Variants in SH3GL2 observed in about 807,000 individuals in gnomAD.
SH3GL2 encodes the protein SH3 domain containing GRB2 like 2, endophilin A1, also known as endophilin-A1.
In SH3GL2, 24 loss-of-function variants were observed where a neutral mutation model predicts 46.0. The ratio of observed to expected loss-of-function variants is 0.52; its 90% CI spans 0.38 to 0.73. The LOEUF (loss-of-function observed/expected upper bound fraction) is 0.73, where lower values mean the gene tolerates loss of function less well. Among genes scored for constraint, SH3GL2 ranks in the 30% least tolerant of loss-of-function variants. SH3GL2 has a pLI of 0.00. For missense variants in SH3GL2, 413 were observed against 424.2 expected, an observed-to-expected ratio of 0.97 and a Z score of 0.23; for synonymous variants, 196 against 147.1, an observed-to-expected ratio of 1.33 and a Z score of -2.40.
intron 1 of SH3GL2, among the ~76,000 whole-genome samples, chr9:17,583,141 A>C (rs1257561575): frequency 1.3e-5 from 2 of 152,238 alleles, no homozygotes; most frequent in Non-Finnish European, 2.9e-5. Flanking sequence ...GATTAACCAC[A>C]GTATTCTATA....
At chr9:17,756,057 C>T (rs1467249983) in intron 2 of SH3GL2, among the ~76,000 whole-genome samples, 2 of 152,070 alleles carry the variant, frequency 1.3e-5, no homozygotes, top group Admixed American at 1.3e-4. Context: ...TCTGTGGTCT[C>T]TTACAACTCC....
chr9:17,761,621 C>G, intron 3 of SH3GL2, 112 bp downstream of exon 3: 1 of 799,254 alleles, frequency 1.3e-6, no homozygotes, highest in Non-Finnish European at 2.3e-6. Flanking sequence ...TTCCTCGGTC[C>G]ACTTTTCTGA....
chr9:17,675,954 A>G (rs2117999352), intron 1 of SH3GL2, among the ~76,000 whole-genome samples: 1 of 152,326 alleles, frequency 6.6e-6, no homozygotes, highest in African/African-American at 2.4e-5. Flanking sequence ...CAAAAAAATA[A>G]AAAAATAAAA....
At chr9:17,731,315 G>A (rs1822172419) in intron 1 of SH3GL2, among the ~76,000 whole-genome samples, 1 of 152,068 alleles carries the variant, frequency 6.6e-6, no homozygotes, top group Non-Finnish European at 1.5e-5. Flanking sequence ...GCCCTTGGGA[G>A]GTGTTTAAAG....
rs535104405 is a variant in SH3GL2 at position 17,772,432 on chromosome 9, C to T, written c.187+10923C>T. ...CATAATGTTGCGTAATCACCACCAC[C>T]ATCCATCTCCATAACTCTTTTTGTC... is the stretch of plus-strand genomic sequence containing the variant. On this transcript the variant is annotated intron_variant, in intron 3 of 8. Coordinates refer to ENST00000380607, the MANE Select transcript of SH3GL2 (RefSeq NM_003026.5). Among the ~76,000 whole-genome samples the T allele has an allele frequency of 4.6e-5, 7 of 152,250 alleles. No homozygotes were observed. In the East Asian group the frequency reaches 1.4e-3, roughly 29 times the overall value.
intron 2 of SH3GL2, among the ~76,000 whole-genome samples, chr9:17,750,788 T>C (rs1237879038): frequency 6.6e-6 from 1 of 152,238 alleles, no homozygotes; most frequent in Non-Finnish European, 1.5e-5. Context: ...TTTTGTTGTG[T>C]GTACAGTTAC....
intron 1 of SH3GL2, among the ~76,000 whole-genome samples, chr9:17,699,487 G>A (rs1032189912): frequency 1.3e-5 from 2 of 152,158 alleles, no homozygotes; most frequent in Non-Finnish European, 2.9e-5. Flanking sequence ...CCCCACACGT[G>A]TGTACAGTCT....
chr9:17,672,857 C>T (rs10121338), intron 1 of SH3GL2, among the ~76,000 whole-genome samples: 2,191 of 152,198 alleles, frequency 0.014, 73 homozygotes, highest in African/African-American at 0.049. Flanking sequence ...AAATGCATAC[C>T]TCCAGCCTCA....
chr9:17,721,124 A>G (rs1008210622), intron 1 of SH3GL2, among the ~76,000 whole-genome samples: 4 of 151,944 alleles, frequency 2.6e-5, no homozygotes, highest in Admixed American at 6.6e-5. Context: ...GTGGCCCTCT[A>G]GATTGGCAGC....
intron 3 of SH3GL2, among the ~76,000 whole-genome samples, chr9:17,784,002 T>G (rs192579729): frequency 7.0e-4 from 106 of 152,280 alleles, no homozygotes; most frequent in African/African-American, 2.4e-3. Flanking sequence ...TAAAGATGGT[T>G]AATTTGGAGG....
rs189396676 is a variant in SH3GL2 at position 17,720,183 on chromosome 9, G to A, written c.46-26883G>A. On this transcript the variant is annotated intron_variant, in intron 1 of 8. Coordinates refer to ENST00000380607, the MANE Select transcript of SH3GL2 (RefSeq NM_003026.5). ...AAATTTAGTACCGGAGACACGATGC[G>A]TCAAAGAAGTTGTCCCAAAAGAGAA... Among the ~76,000 whole-genome samples, 86 of 152,138 alleles carry A rather than the reference G, an allele frequency of 5.7e-4. 1 individual carries two copies. The East Asian group carries it at 0.01, about 19-fold the overall frequency.
At chr9:17,726,384 C>T (rs909438334) in intron 1 of SH3GL2, among the ~76,000 whole-genome samples, 2 of 152,122 alleles carry the variant, frequency 1.3e-5, no homozygotes, top group South Asian at 2.1e-4. Flanking sequence ...ACTCAATAAA[C>T]GTCTGAATGA....
intron 1 of SH3GL2, among the ~76,000 whole-genome samples, chr9:17,628,425 T>G (rs1011481433): frequency 2.8e-5 from 4 of 145,232 alleles, no homozygotes; most frequent in Admixed American, 2.0e-4. Context: ...TGTGTGTGTG[T>G]GTGTGTGTGT....
intron 1 of SH3GL2, among the ~76,000 whole-genome samples, chr9:17,745,415 T>C (rs968777238): frequency 1.3e-5 from 2 of 152,200 alleles, no homozygotes; most frequent in East Asian, 3.9e-4. Context: ...TTCAGACATA[T>C]GCTCTTACAA....
chr9:17,744,246 T>C (rs1315421688), intron 1 of SH3GL2, among the ~76,000 whole-genome samples: 2 of 152,180 alleles, frequency 1.3e-5, no homozygotes, highest in Admixed American at 1.3e-4. Flanking sequence ...AGATAGGGAA[T>C]CAGTGTGACA....
At chr9:17,631,234 T>C (rs1190232681) in intron 1 of SH3GL2, among the ~76,000 whole-genome samples, 1 of 152,198 alleles carries the variant, frequency 6.6e-6, no homozygotes, top group East Asian at 1.9e-4. Context: ...CAAGGAAACA[T>C]TGTTCTATGT....
At chr9:17,585,438 T>A (rs1053243160) in intron 1 of SH3GL2, among the ~76,000 whole-genome samples, 4 of 152,198 alleles carry the variant, frequency 2.6e-5, no homozygotes, top group Non-Finnish European at 5.9e-5. Flanking sequence ...TGTCCTGTGT[T>A]CTTTTAGGTA....
At chr9:17,756,813 T>C (rs1173377386) in intron 2 of SH3GL2, among the ~76,000 whole-genome samples, 3 of 152,170 alleles carry the variant, frequency 2.0e-5, no homozygotes, top group Non-Finnish European at 4.4e-5. Context: ...TATAGCAGCA[T>C]GATTTATAAT....
At chr9:17,698,181 A>G (rs1821255832) in intron 1 of SH3GL2, among the ~76,000 whole-genome samples, 1 of 152,220 alleles carries the variant, frequency 6.6e-6, no homozygotes, top group Non-Finnish European at 1.5e-5. Context: ...CCTGGCTTCA[A>G]GTCCAGATGC....
Sources: allele counts gnomAD v4.1 joint callset (sites outside exome capture counted in the v4.1 genomes callset), GRCh38; gene constraint gnomAD v4.1.1; transcripts MANE v1.5; gene names NCBI Gene and HGNC (gene_info 2026-07-23, HGNC 2026-07-21).